Variants in FHIP1B observed in about 807,000 individuals in gnomAD.
The protein encoded by FHIP1B is FHF complex subunit HOOK-interacting protein 1B.
FHIP1B carries 28 observed loss-of-function variants against 82.2 expected under a neutral mutation model. The observed-to-expected ratio is 0.34, with a 90% confidence interval of 0.25 to 0.47. The LOEUF (loss-of-function observed/expected upper bound fraction) is 0.47, where lower values mean the gene tolerates loss of function less well. Among genes scored for constraint, FHIP1B ranks in the 20% least tolerant of loss-of-function variants. The pLI, the probability that FHIP1B is intolerant of heterozygous loss-of-function variation, is 1.00. For synonymous variants in FHIP1B, 585 were observed against 516.1 expected (o/e 1.13, Z -1.81); for missense variants, 1,110 against 1,262.6 (o/e 0.88, Z 1.83).
At chr11:6,221,349 T>TA (rs1012257925) in intron 6 of FHIP1B, among the ~76,000 whole-genome samples, 3 of 151,610 alleles carry the variant, frequency 2.0e-5, no homozygotes, top group Non-Finnish European at 2.9e-5. Context: ...TAACTTATAA[T>TA]AAAAAAAGGA....
intron 6 of FHIP1B, among the ~76,000 whole-genome samples, chr11:6,220,325 T>A (rs953616954): frequency 1.4e-4 from 22 of 152,074 alleles, no homozygotes; most frequent in African/African-American, 4.6e-4. Flanking sequence ...AATAAGGAAA[T>A]GGATCCTGTC....
chr11:6,215,640 G>C (rs747651250), intron 9 of FHIP1B, among the ~76,000 whole-genome samples: 3 of 152,222 alleles, frequency 2.0e-5, no homozygotes, highest in East Asian at 3.8e-4. Flanking sequence ...AGAATATGTA[G>C]TAAAAGGATA....
At chr11:6,233,472 G>A (rs961785923) in intron 1 of FHIP1B, among the ~76,000 whole-genome samples, 1 of 152,166 alleles carries the variant, frequency 6.6e-6, no homozygotes, top group Admixed American at 6.5e-5. Flanking sequence ...TACAGGGTGT[G>A]GAGAGGAAGA....
At chr11:6,214,036 A>G (rs867328817) in intron 11 of FHIP1B, among the ~76,000 whole-genome samples, 1 of 76,174 alleles carries the variant, frequency 1.3e-5, no homozygotes, top group Non-Finnish European at 2.6e-5. Context: ...CCTCTCCTGA[A>G]AAAAAAAAAA....
At position 6,223,524 on chromosome 11, in the gene FHIP1B, C is replaced by T. The variant is rs780831987; in HGVS notation, c.777+86G>A. On this transcript the variant is annotated intron_variant, in intron 3 of 11. Transcript: ENST00000449352. This position sits in a 1 kb window ranked among gnomAD's most constrained non-coding sequence, Gnocchi z 4.8. ...TTTCCTAGGGGAACGGGCCCTGGAA[C>T]ATAGCCTCTCCCCATCTCCTGGATA... The T allele has an allele frequency of 3.6e-5, 53 of 1,476,350 alleles. No individual in the cohort carries two copies. Among genetic ancestry groups the T allele is most frequent in the Non-Finnish European group, 4.7e-5 (52 of 1,098,332 alleles). 91.5% of individuals were successfully genotyped at this position (1,476,350 alleles called of 1,614,324 possible).
rs1285259911 is a variant in FHIP1B, at chr11:6,223,457, CCCA to C, written c.777+150_777+152del. ...TATCCATCTAAGCCCATGATTCATC[CCCA>C]CTACAACTCCAGGGGGCTGCTTTCA... On this transcript the variant is annotated intron_variant, in intron 3 of 11. Coordinates refer to ENST00000449352, the MANE Select transcript of FHIP1B (RefSeq NM_001098794.2). This position sits in a 1 kb window ranked among gnomAD's most constrained non-coding sequence, Gnocchi z 4.8. 6.6e-6 allele frequency among the ~76,000 whole-genome samples: 1 copy of C among 152,132 alleles called. No homozygotes were observed. Among genetic ancestry groups the C allele is most frequent in the Admixed American group, 6.5e-5 (1 of 15,270 alleles).
chr11:6,213,599 G>A (rs538500069), intron 11 of FHIP1B, among the ~76,000 whole-genome samples: 4 of 152,148 alleles, frequency 2.6e-5, no homozygotes, highest in South Asian at 4.1e-4. Flanking sequence ...GACAATGCCC[G>A]GCACACATTG....
Position 6,223,194 on chromosome 11 carries a change from T to G in FHIP1B, c.822A>C (p.Arg274=). The G allele has an allele frequency of 6.2e-7, 1 of 1,605,826 alleles. No individual in the cohort carries two copies. Among genetic ancestry groups the G allele is most frequent in the Non-Finnish European group, 8.5e-7 (1 of 1,178,072 alleles). Residue 274 remains arginine, a synonymous_variant, in exon 4 of 12, where the codon CGA becomes CGC. Coordinates refer to ENST00000449352, the MANE Select transcript of FHIP1B (RefSeq NM_001098794.2). This position sits in a 1 kb window ranked among gnomAD's most constrained non-coding sequence, Gnocchi z 4.8. The part of the protein sequence containing the change: ...GLSALYSSLP[R]KIEVPGDDWH... The stretch of plus-strand genomic sequence containing the variant: ...AATCATCCCCTGGAACCTCAATCTT[T>G]CGAGGCAGTGATGAGTACAGGGCAC...
chr11:6,214,659 C>A, intron 10 of FHIP1B, 74 bp downstream of exon 10: 2 of 1,548,806 alleles, frequency 1.3e-6, no homozygotes, highest in Non-Finnish European at 1.7e-6. Context: ...TCCCAGCCCA[C>A]CCAGGGTCAC....
rs1847512153 is a variant in FHIP1B at position 6,224,575 on chromosome 11, G to A, written c.-59C>T. 2 of 1,529,048 alleles carry A rather than the reference G, an allele frequency of 1.3e-6. No individual in the cohort carries two copies. The highest frequency in any genetic ancestry group is 2.3e-5 in the East Asian group (1 of 44,362). 94.7% of individuals were successfully genotyped at this position (1,529,048 alleles called of 1,614,324 possible). On this transcript the variant is annotated 5_prime_UTR_variant, in exon 2 of 12. Transcript: ENST00000449352. ...CTACACTCTGAGGATTTGCCAGCTG[G>A]AGGTTTTCTCCACTTGTGTCTCCAG... is the stretch of plus-strand genomic sequence containing the variant.
rs186804028 is a variant in FHIP1B, at chr11:6,218,494, G to A, written c.1435+106C>T. 22 of 1,511,646 alleles carry A rather than the reference G, an allele frequency of 1.5e-5. No individual in the cohort carries two copies. In the African/African-American group the frequency reaches 2.8e-4, roughly 19 times the overall value. The allele number at this position is 1,511,646 out of a possible 1,614,324, so 93.6% of individuals were successfully genotyped here. On this transcript the variant is annotated intron_variant, in intron 8 of 11. Coordinates refer to ENST00000449352, the MANE Select transcript of FHIP1B (RefSeq NM_001098794.2). The stretch of plus-strand genomic sequence containing the variant: ...TCCCCAAAGACAGACTATCATTCAT[G>A]GACACCTTCCTCCCCTTCACCCCAG...
Position 6,217,663 on chromosome 11 carries a change from T to C in FHIP1B, c.1923A>G (p.Ser641=), listed in dbSNP as rs1847275339. The change falls in exon 9 of 12, where the codon TCA becomes TCG. Residue 641 remains serine (S), a synonymous_variant. Coordinates refer to ENST00000449352, the MANE Select transcript of FHIP1B (RefSeq NM_001098794.2). The part of the protein sequence containing the change: ...PPPQLNGVPG[S]WPEGAKKVRL... ...GAACCTTCTTGGCCCCCTCAGGCCATGATCCTGGCACTCCATTGAGCTGGG... is the reference window on the plus strand; with the variant it reads ...GAACCTTCTTGGCCCCCTCAGGCCACGATCCTGGCACTCCATTGAGCTGGG... 1.9e-6 allele frequency: 3 copies of C among 1,613,980 alleles called. No homozygotes were observed. The highest frequency in any genetic ancestry group is 1.7e-6 in the Non-Finnish European group (2 of 1,180,002).
intron 1 of FHIP1B, among the ~76,000 whole-genome samples, chr11:6,231,641 T>C (rs1847702678): frequency 6.6e-6 from 1 of 151,832 alleles, no homozygotes; most frequent in African/African-American, 2.4e-5. Context: ...TGGCTAATTT[T>C]TGGTGGGTTT....
Position 6,222,795 on chromosome 11 carries a change from C to T in FHIP1B, c.1023+16G>A, listed in dbSNP as rs1458863732. 1 of 1,613,050 alleles carries T rather than the reference C, an allele frequency of 6.2e-7. No individual in the cohort carries two copies. Among genetic ancestry groups the T allele is most frequent in the Non-Finnish European group, 8.5e-7 (1 of 1,179,002 alleles). ...CAGCTTAGCCCCTTATATGCCTTGCCACCCATGACTCTCACCTTGTGCAAG... is the reference window on the plus strand; with the variant it reads ...CAGCTTAGCCCCTTATATGCCTTGCTACCCATGACTCTCACCTTGTGCAAG... On this transcript the variant is annotated intron_variant, in intron 5 of 11. Coordinates refer to ENST00000449352, the MANE Select transcript of FHIP1B (RefSeq NM_001098794.2).
At chr11:6,233,443 C>G (rs1005923888) in intron 1 of FHIP1B, among the ~76,000 whole-genome samples, 2 of 152,184 alleles carry the variant, frequency 1.3e-5, no homozygotes, top group South Asian at 4.1e-4. Context: ...TAAAAGAATG[C>G]TAGTAAGATG....
At chr11:6,231,195 A>G (rs907792008) in intron 1 of FHIP1B, among the ~76,000 whole-genome samples, 1 of 152,248 alleles carries the variant, frequency 6.6e-6, no homozygotes, top group African/African-American at 2.4e-5. Flanking sequence ...GAGATAACAC[A>G]GAGCGAAATG....
intron 1 of FHIP1B, among the ~76,000 whole-genome samples, chr11:6,225,790 C>T (rs1847548943): frequency 1.3e-5 from 2 of 152,072 alleles, no homozygotes; most frequent in Admixed American, 1.3e-4. Context: ...AAATAAGACC[C>T]TTAACTGACT....
At chr11:6,218,514 C>T (rs376903758) in intron 8 of FHIP1B, 86 bp downstream of exon 8, 2 of 1,584,020 alleles carry the variant, frequency 1.3e-6, no homozygotes, top group Non-Finnish European at 1.7e-6. Context: ...CTCCCCTTCA[C>T]CCCAGCCCCT....
intron 11 of FHIP1B, 149 bp from the exon 12 acceptor site, chr11:6,212,016 A>T: frequency 7.3e-7 from 1 of 1,365,480 alleles, no homozygotes; most frequent in African/African-American, 1.5e-5. Context: ...ACCAGAAATG[A>T]ACCTCAGGTA....
Sources: allele counts gnomAD v4.1 joint callset (sites outside exome capture counted in the v4.1 genomes callset), GRCh38; gene constraint gnomAD v4.1.1; non-coding constraint Gnocchi (gnomAD v3.1); transcripts MANE v1.5; gene names NCBI Gene and HGNC (gene_info 2026-07-23, HGNC 2026-07-21).